Variants in SENP1 observed in about 807,000 individuals in gnomAD.
SENP1 encodes the protein SUMO specific peptidase 1.
In SENP1, 21 loss-of-function variants were observed where a neutral mutation model predicts 93.0. The ratio of observed to expected loss-of-function variants is 0.23; its 90% CI spans 0.16 to 0.33. The LOEUF is 0.33. SENP1 is among the 10% of genes least tolerant of loss of function. The pLI, the probability that SENP1 is intolerant of heterozygous loss-of-function variation, is 1.00. For missense variants in SENP1, 591 were observed against 758.7 expected (o/e 0.78, Z 2.60); for synonymous variants, 256 against 259.6 (o/e 0.99, Z 0.13).
chr12:48,081,316 C>T, intron 6 of SENP1: 1 of 152,118 alleles, frequency 6.6e-6, no homozygotes, highest in East Asian at 1.9e-4. Context: ...AAAAATAAAT[C>T]TTGGGCTCAC....
intron 4 of SENP1, among the ~76,000 whole-genome samples, chr12:48,091,863 T>C (rs1333965159): frequency 6.6e-6 from 1 of 152,076 alleles, no homozygotes; most frequent in Non-Finnish European, 1.5e-5. Flanking sequence ...TTATTTTTTG[T>C]AGAGACAGGG....
chr12:48,056,146 ATTAT>A (rs1200802667), intron 13 of SENP1, among the ~76,000 whole-genome samples: 1 of 33,890 alleles, frequency 3.0e-5, no homozygotes, highest in African/African-American at 1.3e-4. Flanking sequence ...TTTTATATAT[ATTAT>A]TTAATATATA....
In SENP1 at chr12:48,083,466, C is replaced by G; in HGVS notation, c.552+125G>C. 1.3e-5 allele frequency: 10 copies of G among 770,916 alleles called. No homozygotes were observed. In the South Asian group the frequency reaches 1.7e-4, roughly 13 times the overall value. The allele number at this position is 770,916 out of a possible 1,614,324, so 47.8% of individuals were successfully genotyped here. On this transcript the variant is annotated intron_variant, in intron 6 of 17. Coordinates refer to ENST00000549518, the MANE Select transcript of SENP1 (RefSeq NM_001267594.2). ...TAACACTCAAAAAGAGTAATTCAGA[C>G]AGAAAAAGCACAGGAAGGATAAAAT...
At chr12:48,054,938 T>C (rs1179452917) in intron 13 of SENP1, 3 of 216,844 alleles carry the variant, frequency 1.4e-5, no homozygotes, top group African/African-American at 4.6e-5. Flanking sequence ...AAAACCGGAA[T>C]ATTTATTGTG....
In SENP1 at chr12:48,074,555, T is replaced by G; in HGVS notation, c.709A>C (p.Asn237His). 6.2e-7 allele frequency: 1 copy of G among 1,613,696 alleles called. No individual in the cohort carries two copies. The highest frequency in any genetic ancestry group is 8.5e-7 in the Non-Finnish European group (1 of 1,179,704). Residue 237 changes from asparagine to histidine, a missense_variant, in exon 8 of 18, where the codon AAT (asparagine) becomes CAT (histidine). Asn to His is a moderately conservative substitution (Grantham distance 68, BLOSUM62 1). Around this residue, in one of 4 missense-constraint regions of SENP1, gnomAD observed 238 missense variants for 259.1 expected, o/e 0.92. Transcript: ENST00000549518. ...KNTLKDSLFK[N>H]GNSCASQIIG... ...ATCTGAGATGCACAAGAGTTTCCAT[T>G]TTTAAACAGTGAGTCTTTCAAAGTA...
intron 9 of SENP1, 54 bp from the exon 10 acceptor site, chr12:48,067,019 T>C (rs962354164): frequency 2.1e-5 from 24 of 1,153,608 alleles, no homozygotes; most frequent in Non-Finnish European, 2.5e-5. Context: ...TATGAGAAAA[T>C]TAAAATATTT....
At chr12:48,098,257 T>C (rs190891325) in intron 2 of SENP1, 133 bp from the exon 3 acceptor site, 2 of 866,370 alleles carry the variant, frequency 2.3e-6, no homozygotes, top group Admixed American at 3.0e-5. Flanking sequence ...CCCAGCACTC[T>C]GAGAGGCTGA....
At chr12:48,045,481 AC>A (rs1941297351) in intron 17 of SENP1, 97 bp from the exon 18 acceptor site, 1 of 956,048 alleles carries the variant, frequency 1.0e-6, no homozygotes, top group South Asian at 1.4e-5. Context: ...TTTTCAACAA[AC>A]AGTCTCAGTT....
rs1941215194 is a variant in SENP1, at chr12:48,044,392, A to G, written c.*930T>C. The G allele has an allele frequency of 6.7e-6, 1 of 149,568 alleles. No homozygotes were observed. Among genetic ancestry groups the G allele is most frequent in the Non-Finnish European group, 1.5e-5 (1 of 67,544 alleles). 9.3% of individuals were successfully genotyped at this position (149,568 alleles called of 1,614,324 possible). On this transcript the variant is annotated 3_prime_UTR_variant, in exon 18 of 18. Coordinates refer to ENST00000549518, the MANE Select transcript of SENP1 (RefSeq NM_001267594.2). ...TATATATATGTATGTGTATATATAT[A>G]TGTATATATATATGAAATTCTCTGT...
At chr12:48,076,631 A>G (rs1481886151) in intron 6 of SENP1, among the ~76,000 whole-genome samples, 1 of 138,162 alleles carries the variant, frequency 7.2e-6, no homozygotes, top group African/African-American at 2.7e-5. Flanking sequence ...AGCACCCAAT[A>G]TGTAGTTTTT....
At position 48,090,928 on chromosome 12, in the gene SENP1, T is replaced by C. The variant is rs113373163; in HGVS notation, c.221-1968A>G. Among the ~76,000 whole-genome samples the C allele has an allele frequency of 2.9e-3, 439 of 152,182 alleles. 4 individuals are homozygous for C. Among genetic ancestry groups the C allele is most frequent in the African/African-American group, 9.9e-3 (411 of 41,520 alleles). ...CACATATAGTGAGAGTTTAACATGA[T>C]AGTCTGTCACCACTGATTTCTGTGA... On this transcript the variant is annotated intron_variant, in intron 4 of 17. Coordinates refer to ENST00000549518, the MANE Select transcript of SENP1 (RefSeq NM_001267594.2).
rs183406915 is a variant in SENP1, at chr12:48,056,769, C to T, written c.1407+6941G>A. ...ATATTACATATATAAATATATTTAA[C>T]ATATTACATATTACATATATATTAT... is the stretch of plus-strand genomic sequence containing the variant. On this transcript the variant is annotated intron_variant, in intron 13 of 17. Transcript: ENST00000549518. 1.0e-4 allele frequency among the ~76,000 whole-genome samples: 5 copies of T among 49,324 alleles called. 1 individual carries two copies. The highest frequency in any genetic ancestry group is 2.7e-3 in the East Asian group (2 of 748). The allele number at this position is 49,324 out of a possible 152,430, so 32.4% of individuals were successfully genotyped here.
intron 10 of SENP1, among the ~76,000 whole-genome samples, chr12:48,066,400 CAATTT>C (rs990264741): frequency 6.6e-6 from 1 of 152,006 alleles, no homozygotes; most frequent in African/African-American, 2.4e-5. Context: ...TCTATTTTTC[CAATTT>C]AATTTAGCTT....
At chr12:48,067,668 G>A (rs17122617) in intron 9 of SENP1, among the ~76,000 whole-genome samples, 2,839 of 152,254 alleles carry the variant, frequency 0.019, 57 homozygotes, top group East Asian at 0.092. Flanking sequence ...GCATCAAATT[G>A]GGAGTTAAGA....
At chr12:48,047,969 T>G (rs1490408468) in intron 15 of SENP1, 32 bp downstream of exon 15, 1 of 1,448,434 alleles carries the variant, frequency 6.9e-7, no homozygotes, top group East Asian at 2.3e-5. Flanking sequence ...ATACCCGATA[T>G]CAAACTCTTC....
chr12:48,089,429 A>C, intron 4 of SENP1: 1 of 917,026 alleles, frequency 1.1e-6, no homozygotes, highest in Non-Finnish European at 1.4e-6. Context: ...TTCAAGACTC[A>C]GGTACTCTCT....
chr12:48,053,824 T>C (rs1942007044), intron 13 of SENP1, among the ~76,000 whole-genome samples: 1 of 152,220 alleles, frequency 6.6e-6, no homozygotes, highest in Admixed American at 6.5e-5. Context: ...TTGTTCCTCA[T>C]TGGCCTTTCA....
Position 48,105,116 on chromosome 12 carries a change from C to A in SENP1, c.-45+912G>T, listed in dbSNP as rs566751907. The A allele has an allele frequency of 1.2e-3, 258 of 219,338 alleles. 1 individual carries two copies. The highest frequency in any genetic ancestry group is 2.4e-3 in the Admixed American group (48 of 19,670). 13.6% of individuals were successfully genotyped at this position (219,338 alleles called of 1,614,324 possible). Reference sequence around the variant, plus strand: ...ATACATCCAGAATAACCAATTATAACAAAGACCCTCAGTCAAATAGTTGGT... The same window carrying A: ...ATACATCCAGAATAACCAATTATAAAAAAGACCCTCAGTCAAATAGTTGGT... On this transcript the variant is annotated intron_variant, in intron 1 of 17. Transcript: ENST00000549518.
intron 8 of SENP1, among the ~76,000 whole-genome samples, chr12:48,073,827 G>A (rs1051511942): frequency 7.2e-5 from 11 of 152,130 alleles, no homozygotes; most frequent in African/African-American, 2.7e-4. Context: ...TGAAGCAATT[G>A]GGCTGAGTAT....
Sources: allele counts gnomAD v4.1 joint callset (sites outside exome capture counted in the v4.1 genomes callset), GRCh38; gene constraint gnomAD v4.1.1; regional missense constraint gnomAD v4.1.1; transcripts MANE v1.5; gene names NCBI Gene and HGNC (gene_info 2026-07-23, HGNC 2026-07-21).